Variants in FREM1 observed in about 807,000 individuals in gnomAD.
The protein encoded by FREM1 is FRAS1-related extracellular matrix protein 1.
FREM1 carries 220 observed loss-of-function variants against 210.1 expected under a neutral mutation model. The observed-to-expected ratio is 1.05, with a 90% CI of 0.94 to 1.17. The LOEUF is 1.17. FREM1 is among the 50% of genes most tolerant of loss of function. The pLI is 0.00. For missense variants in FREM1, 3,454 were observed against 2,675.5 expected (o/e 1.29, Z -6.42); for synonymous variants, 1,189 against 980.2 (o/e 1.21, Z -3.98).
At chr9:14,796,394 C>A (rs747928936) in intron 21 of FREM1, among the ~76,000 whole-genome samples, 1 of 152,224 alleles carries the variant, frequency 6.6e-6, no homozygotes, top group Non-Finnish European at 1.5e-5. Flanking sequence ...CCCTAAAACT[C>A]TGTTCAGTTC....
At position 14,750,117 on chromosome 9, in the gene FREM1, A is replaced by G. The variant is rs1843097455; in HGVS notation, c.5557+10T>C. ...CGCTCCTGATTTCAAGATGAGGATCAAAAGAATACCTCCTTTTGAGTCCAA... is the reference window on the plus strand; with the variant it reads ...CGCTCCTGATTTCAAGATGAGGATCGAAAGAATACCTCCTTTTGAGTCCAA... On this transcript the variant is annotated intron_variant, in intron 30 of 36. Transcript: ENST00000380880. 1.2e-6 allele frequency: 2 copies of G among 1,613,348 alleles called. No individual in the cohort carries two copies. The highest frequency in any genetic ancestry group is 3.3e-4 in the Middle Eastern group (2 of 6,058).
At chr9:14,903,793 A>G (rs1817145634) in intron 1 of FREM1, among the ~76,000 whole-genome samples, 1 of 152,002 alleles carries the variant, frequency 6.6e-6, no homozygotes, top group Non-Finnish European at 1.5e-5. Context: ...GAACACCAAC[A>G]CACATTGATA....
intron 5 of FREM1, among the ~76,000 whole-genome samples, chr9:14,857,062 C>T (rs956459269): frequency 6.6e-6 from 1 of 152,082 alleles, no homozygotes; most frequent in Non-Finnish European, 1.5e-5. Context: ...GAGCCTGTCT[C>T]CTTGATGAGC....
chr9:14,871,939 G>A (rs1014124888), intron 1 of FREM1, among the ~76,000 whole-genome samples: 2 of 152,094 alleles, frequency 1.3e-5, no homozygotes, highest in South Asian at 4.2e-4. Flanking sequence ...CCCATTGCTT[G>A]TTTTTGTCAG....
chr9:14,864,040 C>G lies in FREM1; in HGVS notation c.235-137G>C, dbSNP rs1057002166. On this transcript the variant is annotated intron_variant, in intron 2 of 36. Transcript: ENST00000380880. ...ATGTGTGTGAGTGTGTGTGTCTTCA[C>G]CACCACCACCTCTACCCTACCCCCA... is the stretch of plus-strand genomic sequence containing the variant. The G allele has an allele frequency of 4.8e-6, 3 of 630,012 alleles. No individual in the cohort carries two copies. The African/African-American group carries it at 5.4e-5, about 11-fold the overall frequency. The allele number at this position is 630,012 out of a possible 1,614,324, so 39.0% of individuals were successfully genotyped here.
At position 14,792,805 on chromosome 9, in the gene FREM1, G is replaced by A. The variant is rs1376149612; in HGVS notation, c.3919C>T (p.Pro1307Ser). 1 of 1,607,150 alleles carries A rather than the reference G, an allele frequency of 6.2e-7. No individual in the cohort carries two copies. The highest frequency in any genetic ancestry group is 8.5e-7 in the Non-Finnish European group (1 of 1,176,032). The change falls in exon 22 of 37, where the codon CCC becomes TCC. Residue 1307 changes from proline (P) to serine (S), a missense_variant. Pro to Ser is a moderately conservative substitution (Grantham distance 74, BLOSUM62 -1). Coordinates refer to ENST00000380880, the MANE Select transcript of FREM1 (RefSeq NM_001379081.2). ...AILSAIDEDS[P>S]REKIYYVFER... ...AATACATAGTAAATCTTCTCCCTGG[G>A]TGAGTCTTCATCTATGGCTGAAAGA...
At chr9:14,855,808 CAAAT>C (rs1438911413) in intron 5 of FREM1, among the ~76,000 whole-genome samples, 1 of 150,366 alleles carries the variant, frequency 6.7e-6, no homozygotes, top group Non-Finnish European at 1.5e-5. Flanking sequence ...AAAATATAAA[CAAAT>C]AAAGGCGTAT....
In FREM1 at chr9:14,910,346, A is replaced by G. The variant is rs1317397591; in HGVS notation, c.-700T>C. ...CCTTCTGCTGGTTGGGTCCGCAGGGACAAAACTGAGCTTTTGTTAATGAGG... is the reference window on the plus strand; with the variant it reads ...CCTTCTGCTGGTTGGGTCCGCAGGGGCAAAACTGAGCTTTTGTTAATGAGG... On this transcript the variant is annotated 5_prime_UTR_variant, in exon 1 of 37. Coordinates refer to ENST00000380880, the MANE Select transcript of FREM1 (RefSeq NM_001379081.2). 6.6e-6 allele frequency: 1 copy of G among 152,290 alleles called. No individual in the cohort carries two copies. Among genetic ancestry groups the G allele is most frequent in the Non-Finnish European group, 1.5e-5 (1 of 68,120 alleles). The allele number at this position is 152,290 out of a possible 1,614,324, so 9.4% of individuals were successfully genotyped here. A position where few individuals can be genotyped will look rare whatever the true frequency, so the allele number is the denominator to read the frequency against.
chr9:14,796,295 G>A (rs530254787), intron 21 of FREM1, among the ~76,000 whole-genome samples: 158 of 152,102 alleles, frequency 1.0e-3, no homozygotes, highest in Non-Finnish European at 1.8e-3. Flanking sequence ...GTCTCTTACT[G>A]TTGCACTATT....
chr9:14,854,992 C>T (rs1312158356), intron 5 of FREM1, among the ~76,000 whole-genome samples: 1 of 151,920 alleles, frequency 6.6e-6, no homozygotes, highest in Non-Finnish European at 1.5e-5. Context: ...TAATTTTCCC[C>T]AAATAATTTA....
Position 14,823,312 on chromosome 9 carries a change from T to C in FREM1, c.2185A>G (p.Met729Val). Residue 729 changes from methionine to valine, a missense_variant, in exon 13 of 37, where the codon ATG (methionine) becomes GTG (valine). By Grantham distance (21) the Met-to-Val change is conservative. Coordinates refer to ENST00000380880, the MANE Select transcript of FREM1 (RefSeq NM_001379081.2). The part of the protein sequence containing the change: ...RSFTQHAVNY[M>V]KVAYMPPMQD... Reference sequence around the variant, plus strand: ...ATGGGGGGCATGTAGGCCACTTTCATATAGTTCACAGCATGCTGCAAAGTA... The same window carrying C: ...ATGGGGGGCATGTAGGCCACTTTCACATAGTTCACAGCATGCTGCAAAGTA... The C allele has an allele frequency of 6.2e-7, 1 of 1,613,774 alleles. No individual in the cohort carries two copies. Among genetic ancestry groups the C allele is most frequent in the Non-Finnish European group, 8.5e-7 (1 of 1,179,738 alleles).
chr9:14,769,732 A>C lies in FREM1; in HGVS notation c.5196T>G (p.Thr1732=). Residue 1732 remains threonine (T), a synonymous_variant, in exon 27 of 37, where the codon ACT becomes ACG. Coordinates refer to ENST00000380880, the MANE Select transcript of FREM1 (RefSeq NM_001379081.2). ...TAAGCAAGAGAATTTACATTTGAGG[A>C]GTGGCCGAGTTCCCTGTGGGGTCCA... ...QIMDPTGNSA[T]PQILELKWSH... 1.2e-6 allele frequency: 2 copies of C among 1,612,202 alleles called. No individual in the cohort carries two copies. The highest frequency in any genetic ancestry group is 1.7e-6 in the Non-Finnish European group (2 of 1,178,874).
At chr9:14,865,732 C>T (rs1831397973) in intron 2 of FREM1, among the ~76,000 whole-genome samples, 1 of 151,006 alleles carries the variant, frequency 6.6e-6, no homozygotes, top group Admixed American at 6.6e-5. Context: ...ATTTCTAAAA[C>T]TCCATAAGGA....
intron 24 of FREM1, among the ~76,000 whole-genome samples, chr9:14,783,635 G>A (rs1849967792): frequency 2.0e-5 from 3 of 152,192 alleles, no homozygotes; most frequent in Admixed American, 1.3e-4. Flanking sequence ...CGAGATTATA[G>A]ATCTTCTGGA....
intron 1 of FREM1, among the ~76,000 whole-genome samples, chr9:14,907,172 A>C (rs1451192266): frequency 6.6e-6 from 1 of 151,896 alleles, no homozygotes; most frequent in Non-Finnish European, 1.5e-5. Flanking sequence ...ATAGTTTTCC[A>C]CTCAAACATA....
In FREM1 at chr9:14,859,352, A is replaced by G. The variant is rs1829376466; in HGVS notation, c.462T>C (p.Ile154=). ...VPEFNGLSQA[I]DKNLLRFDYD... is the part of the protein sequence containing the mutation. ...AATCGAATCTGAGCAGATTTTTATC[A>G]ATCGCTTGGGACAAGCCATTGAATT... The change falls in exon 4 of 37, where the codon ATT becomes ATC. Residue 154 remains isoleucine (I), a synonymous_variant. Coordinates refer to ENST00000380880, the MANE Select transcript of FREM1 (RefSeq NM_001379081.2). 2 of 1,613,790 alleles carry G rather than the reference A, an allele frequency of 1.2e-6. No homozygotes were observed. The highest frequency in any genetic ancestry group is 1.3e-5 in the African/African-American group (1 of 74,894).
intron 19 of FREM1, among the ~76,000 whole-genome samples, chr9:14,804,292 C>T (rs1221838602): frequency 6.6e-6 from 1 of 152,108 alleles, no homozygotes; most frequent in Non-Finnish European, 1.5e-5. Context: ...CAGGTAAAAC[C>T]ATGACAACTT....
At chr9:14,883,433 T>C (rs1449049710) in intron 1 of FREM1, among the ~76,000 whole-genome samples, 1 of 152,352 alleles carries the variant, frequency 6.6e-6, no homozygotes, top group East Asian at 1.9e-4. Flanking sequence ...TATTTTTCTC[T>C]TGGTGTTGGG....
chr9:14,745,472 A>C (rs971841809), intron 35 of FREM1, among the ~76,000 whole-genome samples: 4 of 152,038 alleles, frequency 2.6e-5, no homozygotes, highest in African/African-American at 9.7e-5. Context: ...TTGAATCGTC[A>C]TTTTGTCATT....
Sources: allele counts gnomAD v4.1 joint callset (sites outside exome capture counted in the v4.1 genomes callset), GRCh38; gene constraint gnomAD v4.1.1; transcripts MANE v1.5; gene names NCBI Gene and HGNC (gene_info 2026-07-23, HGNC 2026-07-21).